The following IGSF10 variants were observed in gnomAD, a reference collection of about 807,000 sequenced individuals.
IGSF10 encodes calvaria mechanical force protein 608.
In IGSF10, 126 loss-of-function variants were observed where a neutral mutation model predicts 128.2. The ratio of observed to expected loss-of-function variants is 0.98; its 90% CI spans 0.85 to 1.14. IGSF10 has a LOEUF of 1.14. IGSF10 is among the 50% of genes most tolerant of loss of function. The pLI is 0.00. For missense variants in IGSF10, 3,295 were observed against 3,149.8 expected (o/e 1.05, Z -1.10); for synonymous variants, 1,185 against 1,146.2 (o/e 1.03, Z -0.68).
the IGSF10 span, among the ~76,000 whole-genome samples, chr3:151,556,962 C>T: frequency 2.0e-5 from 3 of 152,002 alleles, no homozygotes; most frequent in African/African-American, 4.8e-5. Flanking sequence ...GTGGGAATTT[C>T]GGTTTGTGAG....
the IGSF10 span, among the ~76,000 whole-genome samples, chr3:151,576,943 C>A: frequency 1.3e-5 from 2 of 151,840 alleles, no homozygotes; most frequent in Admixed American, 6.5e-5. Context: ...ATGGAGAAGC[C>A]CCTTTTTTCC....
chr3:151,490,366 C>T, the IGSF10 span, among the ~76,000 whole-genome samples: 48 of 152,146 alleles, frequency 3.2e-4, 1 homozygote, highest in South Asian at 7.7e-3. Context: ...CATTGTAGAA[C>T]CTAAATGTAT....
At chr3:151,548,014 T>C in the IGSF10 span, among the ~76,000 whole-genome samples, 1 of 152,224 alleles carries the variant, frequency 6.6e-6, no homozygotes, top group Non-Finnish European at 1.5e-5. Flanking sequence ...TTCTACAATG[T>C]GACCTTTCTA....
the IGSF10 span, among the ~76,000 whole-genome samples, chr3:151,592,005 C>T: frequency 6.6e-6 from 1 of 151,976 alleles, no homozygotes; most frequent in Non-Finnish European, 1.5e-5. Flanking sequence ...GGAATTGAGT[C>T]TTTAAAAATA....
intron 7 of IGSF10, among the ~76,000 whole-genome samples, chr3:151,439,593 G>T (rs1356586275): frequency 6.6e-6 from 1 of 152,198 alleles, no homozygotes; most frequent in African/African-American, 2.4e-5. Flanking sequence ...TAGTCTGGGT[G>T]ACAAAAATGA....
At chr3:151,533,666 A>G in the IGSF10 span, among the ~76,000 whole-genome samples, 15 of 152,332 alleles carry the variant, frequency 9.8e-5, no homozygotes, top group Non-Finnish European at 1.9e-4. Flanking sequence ...AGATAGATTA[A>G]AGACTTACAC....
the IGSF10 span, among the ~76,000 whole-genome samples, chr3:151,502,330 T>TA: frequency 1.3e-5 from 2 of 152,060 alleles, no homozygotes; most frequent in Non-Finnish European, 2.9e-5. Context: ...GTAAAAATCT[T>TA]AATGTTCTGG....
At chr3:151,472,736 A>G in the IGSF10 span, among the ~76,000 whole-genome samples, 1 of 152,220 alleles carries the variant, frequency 6.6e-6, no homozygotes, top group Non-Finnish European at 1.5e-5. Context: ...GCATTATGCC[A>G]AAGTATACTT....
chr3:151,574,444 C>T, the IGSF10 span, among the ~76,000 whole-genome samples: 1 of 152,288 alleles, frequency 6.6e-6, no homozygotes, highest in South Asian at 2.1e-4. Flanking sequence ...CTAAACTTCT[C>T]TTCTAACTTC....
the IGSF10 span, among the ~76,000 whole-genome samples, chr3:151,570,082 G>A: frequency 1.3e-5 from 2 of 152,292 alleles, no homozygotes; most frequent in East Asian, 3.9e-4. Flanking sequence ...TCTTATGGCT[G>A]CATAGTATTC....
At chr3:151,549,644 A>G in the IGSF10 span, among the ~76,000 whole-genome samples, 1 of 152,034 alleles carries the variant, frequency 6.6e-6, no homozygotes, top group Non-Finnish European at 1.5e-5. Flanking sequence ...TGCAACTGTC[A>G]TTTTCTTTCC....
chr3:151,509,639 G>A, the IGSF10 span, among the ~76,000 whole-genome samples: 73 of 152,328 alleles, frequency 4.8e-4, no homozygotes, highest in East Asian at 3.5e-3. Context: ...GCAGGACAGC[G>A]GGTGCAGCGC....
upstream of IGSF10, among the ~76,000 whole-genome samples, chr3:151,464,344 A>G (rs1215046380): frequency 6.6e-6 from 1 of 152,190 alleles, no homozygotes; most frequent in Non-Finnish European, 1.5e-5. Context: ...ACGACAATAA[A>G]TATACATCTT....
the IGSF10 span, among the ~76,000 whole-genome samples, chr3:151,597,106 AT>A: frequency 6.6e-6 from 1 of 152,154 alleles, no homozygotes. Flanking sequence ...TGTCTCAGAT[AT>A]AAACTACTTC....
chr3:151,461,306 C>G, upstream of IGSF10: 1 of 985,378 alleles, frequency 1.0e-6, no homozygotes, highest in Non-Finnish European at 1.2e-6. Flanking sequence ...TTGACCTCTT[C>G]CACCTGTTGA....
chr3:151,447,726 T>C lies in IGSF10; in HGVS notation c.2255A>G (p.Asp752Gly). Residue 752 changes from aspartate to glycine, a missense_variant, in exon 6 of 8, where the codon GAC (aspartate) becomes GGC (glycine). Transcript: ENST00000282466. ...RHFPPSARRI[D>G]PQHWAALLEK... ...CAACAGTGCCGCCCAATGTTGTGGG[T>C]CAATTCTCCTAGCAGAGGGAGGGAA... 1 of 1,614,146 alleles carries C rather than the reference T, an allele frequency of 6.2e-7. No homozygotes were observed. Among genetic ancestry groups the C allele is most frequent in the Non-Finnish European group, 8.5e-7 (1 of 1,180,030 alleles).
chr3:151,453,074 C>CT (rs773253591), intron 5 of IGSF10, among the ~76,000 whole-genome samples: 3 of 151,982 alleles, frequency 2.0e-5, no homozygotes, highest in Non-Finnish European at 4.4e-5. Context: ...CAGCACCACA[C>CT]TATGAGGACC....
chr3:151,599,943 C>T, the IGSF10 span, among the ~76,000 whole-genome samples: 5 of 151,888 alleles, frequency 3.3e-5, no homozygotes, highest in Non-Finnish European at 5.9e-5. Flanking sequence ...AGTGGCTGTC[C>T]AAGGATATTA....
At chr3:151,562,183 G>A in the IGSF10 span, among the ~76,000 whole-genome samples, 1 of 152,138 alleles carries the variant, frequency 6.6e-6, no homozygotes, top group Non-Finnish European at 1.5e-5. Flanking sequence ...CCAAAGCCAA[G>A]GTGGGAATGA....
Sources: allele counts gnomAD v4.1 joint callset (sites outside exome capture counted in the v4.1 genomes callset), GRCh38; gene constraint gnomAD v4.1.1; transcripts MANE v1.5; gene names NCBI Gene and HGNC (gene_info 2026-07-23, HGNC 2026-07-21).